Variants in EYS observed in about 807,000 individuals in gnomAD.
EYS encodes protein eyes shut homolog.
Under a neutral mutation model 282.1 loss-of-function variants are expected in EYS, and 250 were observed. The ratio of observed to expected loss-of-function variants is 0.89; its 90% CI spans 0.80 to 0.98. EYS has a LOEUF of 0.98. Ranked by LOEUF, EYS falls within the 50% of genes least tolerant of loss-of-function variation. The pLI is 0.00. For missense variants in EYS, 4,016 were observed against 3,709.0 expected, an observed-to-expected ratio of 1.08 and a Z score of -2.15; for synonymous variants, 1,355 against 1,282.9, an observed-to-expected ratio of 1.06 and a Z score of -1.20.
chr6:64,954,281 A>T (rs1769615054), intron 14 of EYS, among the ~76,000 whole-genome samples: 1 of 152,086 alleles, frequency 6.6e-6, no homozygotes, highest in Non-Finnish European at 1.5e-5. Flanking sequence ...TTTAAAAAAA[A>T]AAAGAATTTA....
chr6:65,093,325 G>T (rs1179413946), intron 12 of EYS, among the ~76,000 whole-genome samples: 1 of 151,886 alleles, frequency 6.6e-6, no homozygotes, highest in Non-Finnish European at 1.5e-5. Context: ...ACAGCAAAAT[G>T]AAAGTATAAA....
intron 31 of EYS, among the ~76,000 whole-genome samples, chr6:64,094,160 T>C (rs1413213707): frequency 1.3e-5 from 2 of 152,206 alleles, no homozygotes; most frequent in Non-Finnish European, 2.9e-5. Flanking sequence ...GGTTTGCCAG[T>C]ATTTTATTGA....
chr6:64,018,988 T>G (rs912236816), intron 33 of EYS, among the ~76,000 whole-genome samples: 2 of 152,074 alleles, frequency 1.3e-5, no homozygotes, highest in African/African-American at 4.8e-5. Flanking sequence ...TTGGCCAGAC[T>G]GGTCTTGAAC....
At chr6:64,505,078 T>C (rs1333062889) in intron 26 of EYS, among the ~76,000 whole-genome samples, 4 of 152,218 alleles carry the variant, frequency 2.6e-5, no homozygotes, top group African/African-American at 4.8e-5. Context: ...TTAATTACTA[T>C]CTGTTGAGTC....
At chr6:64,879,658 T>C (rs1766855079) in intron 19 of EYS, among the ~76,000 whole-genome samples, 1 of 152,052 alleles carries the variant, frequency 6.6e-6, no homozygotes, top group African/African-American at 2.4e-5. Context: ...AAGATGTAAG[T>C]AAATCCTCAA....
At chr6:64,021,723 G>A (rs529620832) in intron 33 of EYS, among the ~76,000 whole-genome samples, 2 of 152,278 alleles carry the variant, frequency 1.3e-5, no homozygotes, top group African/African-American at 4.8e-5. Flanking sequence ...TCAAGAAGTT[G>A]TAGTCCAAGT....
At chr6:65,367,529 G>T (rs1346879740) in intron 8 of EYS, among the ~76,000 whole-genome samples, 1 of 151,268 alleles carries the variant, frequency 6.6e-6, no homozygotes, top group East Asian at 1.9e-4. Context: ...AAATATAAAT[G>T]TTTTAACTAT....
intron 2 of EYS, among the ~76,000 whole-genome samples, chr6:65,513,360 T>A (rs1766976583): frequency 2.0e-5 from 3 of 150,484 alleles, no homozygotes; most frequent in East Asian, 2.0e-4. Flanking sequence ...CTACCAGAGG[T>A]ACAAGGAGGA....
At chr6:64,847,999 T>C (rs1347292658) in intron 19 of EYS, among the ~76,000 whole-genome samples, 2 of 152,062 alleles carry the variant, frequency 1.3e-5, no homozygotes, top group Non-Finnish European at 2.9e-5. Flanking sequence ...TTTTTGCATA[T>C]TTTCCTAATA....
chr6:64,632,635 C>T (rs1230188724), intron 22 of EYS, among the ~76,000 whole-genome samples: 4 of 2,460 alleles, frequency 1.6e-3, no homozygotes, highest in Admixed American at 6.4e-3. Context: ...GATGAATGGC[C>T]ATGGGCTTAC....
intron 1 of EYS, among the ~76,000 whole-genome samples, chr6:65,703,237 A>G (rs1297787888): frequency 6.6e-6 from 1 of 152,144 alleles, no homozygotes; most frequent in Non-Finnish European, 1.5e-5. Context: ...CTCTCTATAT[A>G]TATGTATTGT....
At chr6:64,716,170 G>T (rs9342393) in intron 22 of EYS, among the ~76,000 whole-genome samples, 16,254 of 152,214 alleles carry the variant, frequency 0.11, 1,240 homozygotes, top group East Asian at 0.35. Context: ...TTTCTCTATG[G>T]ATGACACAGT....
chr6:63,799,854 G>GT (rs911013336), intron 37 of EYS, among the ~76,000 whole-genome samples: 3 of 152,228 alleles, frequency 2.0e-5, no homozygotes, highest in African/African-American at 7.2e-5. Context: ...ACATGAATGA[G>GT]TAGGTACTGG....
intron 31 of EYS, among the ~76,000 whole-genome samples, chr6:64,226,406 C>G (rs111263691): frequency 2.2e-4 from 34 of 152,080 alleles, no homozygotes; most frequent in African/African-American, 7.0e-4. Context: ...TTAAATACTC[C>G]TTTATTTTAC....
chr6:63,782,680 G>C (rs1359914670), intron 39 of EYS, among the ~76,000 whole-genome samples: 1 of 151,976 alleles, frequency 6.6e-6, no homozygotes, highest in Admixed American at 6.6e-5. Context: ...TATCCATTTT[G>C]TTGATCTTTT....
intron 26 of EYS, among the ~76,000 whole-genome samples, chr6:64,442,496 C>T (rs983025293): frequency 6.6e-6 from 1 of 152,194 alleles, no homozygotes; most frequent in African/African-American, 2.4e-5. Flanking sequence ...GTTAATCCCC[C>T]AAGATAATGG....
At chr6:64,875,630 T>C (rs988014634) in intron 19 of EYS, among the ~76,000 whole-genome samples, 2 of 152,074 alleles carry the variant, frequency 1.3e-5, no homozygotes, top group African/African-American at 2.4e-5. Flanking sequence ...GAAGAAACAC[T>C]GAACAACTAG....
At chr6:65,221,648 G>A (rs1766468822) in intron 12 of EYS, among the ~76,000 whole-genome samples, 2 of 152,202 alleles carry the variant, frequency 1.3e-5, no homozygotes, top group Non-Finnish European at 2.9e-5. Context: ...TGGAGTTGGA[G>A]CCCCCACACA....
intron 15 of EYS, among the ~76,000 whole-genome samples, chr6:64,915,745 C>T (rs1768140270): frequency 6.6e-6 from 1 of 151,998 alleles, no homozygotes; most frequent in Non-Finnish European, 1.5e-5. Context: ...AATATATTAT[C>T]CAATTTGATA....
Sources: gnomAD v4.1 joint callset for allele counts (sites outside exome capture counted in the v4.1 genomes callset) on GRCh38, gnomAD v4.1.1 for gene constraint, MANE v1.5 for transcripts, NCBI Gene and HGNC (gene_info 2026-07-23, HGNC 2026-07-21) for gene names.